Variants in THEM4 observed in about 807,000 individuals in gnomAD.
THEM4 encodes the protein acyl-coenzyme A thioesterase THEM4.
Under a neutral mutation model 25.0 loss-of-function variants are expected in THEM4, and 22 were observed. That is an observed-to-expected ratio of 0.88 (90% CI 0.63 to 1.26). The LOEUF (loss-of-function observed/expected upper bound fraction) is 1.26. Ranked by LOEUF, THEM4 falls within the 50% of genes most tolerant of loss-of-function variation. The probability of loss-of-function intolerance (pLI) is 0.00; values close to 1 mark genes in which losing one functional copy is unlikely to be tolerated. For synonymous variants in THEM4, 113 were observed against 105.6 expected, an observed-to-expected ratio of 1.07 and a Z score of -0.43; for missense variants, 286 against 300.3, an observed-to-expected ratio of 0.95 and a Z score of 0.35.
chr1:151,888,087 T>C (rs1338888140), intron 4 of THEM4, among the ~76,000 whole-genome samples, 186 bp downstream of exon 4: 1 of 152,214 alleles, frequency 6.6e-6, no homozygotes, highest in Non-Finnish European at 1.5e-5. Context: ...TGCTGGACTT[T>C]TGAGAGTTCA....
At chr1:151,907,109 C>T (rs903451759) in intron 1 of THEM4, among the ~76,000 whole-genome samples, 1 of 152,148 alleles carries the variant, frequency 6.6e-6, no homozygotes. Context: ...CAGCTTCACT[C>T]CTGAAGCCAA....
chr1:151,884,281 CT>C (rs1653914503), intron 4 of THEM4, among the ~76,000 whole-genome samples: 2 of 152,058 alleles, frequency 1.3e-5, no homozygotes, highest in Admixed American at 1.3e-4. Context: ...GTCATTTTCC[CT>C]TTTCAAGAAA....
chr1:151,899,593 T>C (rs1347144368), intron 1 of THEM4, among the ~76,000 whole-genome samples: 1 of 151,132 alleles, frequency 6.6e-6, no homozygotes, highest in Non-Finnish European at 1.5e-5. Context: ...ATTAACCTAA[T>C]CCAACAAAGA....
At chr1:151,879,971 C>T (rs1653775605) in intron 4 of THEM4, among the ~76,000 whole-genome samples, 1 of 151,886 alleles carries the variant, frequency 6.6e-6, no homozygotes, top group Non-Finnish European at 1.5e-5. Context: ...CCTCCATTTT[C>T]TAATTGTTTT....
At position 151,895,147 on chromosome 1, in the gene THEM4, G is replaced by A. The variant is rs1654195547; in HGVS notation, c.147C>T (p.Pro49=). Residue 49 remains proline, a synonymous_variant, in exon 2 of 6, where the codon CCC becomes CCT. Coordinates refer to ENST00000368814, the MANE Select transcript of THEM4 (RefSeq NM_053055.5). ...TTAGGTCCTTGTTCCAGCTGGGGTT[G>A]GGGACAGAACAGTCCTTAAGAATGA... ...EEVILKDCSV[P]NPSWNKDLRL... is the part of the protein sequence containing the mutation. The A allele has an allele frequency of 6.2e-7, 1 of 1,614,032 alleles. No homozygotes were observed. Among genetic ancestry groups the A allele is most frequent in the Non-Finnish European group, 8.5e-7 (1 of 1,179,992 alleles).
At chr1:151,901,483 A>G (rs911744322) in intron 1 of THEM4, among the ~76,000 whole-genome samples, 6 of 152,234 alleles carry the variant, frequency 3.9e-5, no homozygotes, top group African/African-American at 1.4e-4. Context: ...TTGAAATTAT[A>G]TCAAGCACTC....
In THEM4 at chr1:151,874,923, A is replaced by G; in HGVS notation, c.688T>C (p.Phe230Leu). The G allele has an allele frequency of 6.2e-7, 1 of 1,613,604 alleles. No individual in the cohort carries two copies. Among genetic ancestry groups the G allele is most frequent in the Non-Finnish European group, 8.5e-7 (1 of 1,179,492 alleles). ...KTLYSEATSLFIKLNPAKSLT is the reference protein window; with the variant it reads ...KTLYSEATSLLIKLNPAKSLT ...CTTTTAGCAGGATTCAGCTTTATAA[A>G]TAAGCCTAAACAAACAAAATAACAG... The change falls in exon 6 of 6, where the codon TTT becomes CTT. Residue 230 changes from phenylalanine to leucine, a missense_variant. Coordinates refer to ENST00000368814, the MANE Select transcript of THEM4 (RefSeq NM_053055.5).
At chr1:151,894,897 T>A in intron 2 of THEM4, 111 bp downstream of exon 2, 1 of 1,248,078 alleles carries the variant, frequency 8.0e-7, no homozygotes, top group South Asian at 1.2e-5. Flanking sequence ...TATAGAACCA[T>A]AATCCTGCAT....
At chr1:151,878,401 G>A (rs1385871768) in intron 4 of THEM4, among the ~76,000 whole-genome samples, 1 of 152,226 alleles carries the variant, frequency 6.6e-6, no homozygotes, top group Non-Finnish European at 1.5e-5. Context: ...GAGGCGCTAG[G>A]CTTACAAGAC....
chr1:151,891,865 AGGG>A (rs1654101899), intron 2 of THEM4, among the ~76,000 whole-genome samples: 1 of 152,200 alleles, frequency 6.6e-6, no homozygotes, highest in African/African-American at 2.4e-5. Flanking sequence ...CTCAACACTG[AGGG>A]AGAGGTTGAC....
chr1:151,909,509 A>C lies in THEM4; in HGVS notation c.-51T>G, dbSNP rs905943285. On this transcript the variant is annotated 5_prime_UTR_variant, in exon 1 of 6. Transcript: ENST00000368814. ...GCTCTAGCCCTGGACGGCGCACTCT[A>C]CCTCCGCCACAAGAGCGCGCGTGCG... The C allele has an allele frequency of 7.6e-7, 1 of 1,309,972 alleles. No individual in the cohort carries two copies. Among genetic ancestry groups the C allele is most frequent in the Non-Finnish European group, 9.8e-7 (1 of 1,024,460 alleles). The allele number at this position is 1,309,972 out of a possible 1,614,324, so 81.1% of individuals were successfully genotyped here.
At chr1:151,909,322 CCTG>C (rs1558196582) in intron 1 of THEM4, 35 bp downstream of exon 1, 2 of 1,491,282 alleles carry the variant, frequency 1.3e-6, no homozygotes, top group Non-Finnish European at 1.8e-6. Context: ...GTTTCTGAGT[CCTG>C]CTCCCGCCCC....
intron 4 of THEM4, among the ~76,000 whole-genome samples, chr1:151,884,318 T>G (rs1352050565): frequency 6.6e-5 from 10 of 152,214 alleles, no homozygotes; most frequent in Admixed American, 6.5e-4. Context: ...TTTAAAGCTT[T>G]CTTTTAAATT....
In THEM4 at chr1:151,874,385, G is replaced by C. The variant is rs1168912820; in HGVS notation, c.*503C>G. The C allele has an allele frequency of 6.7e-6, 1 of 150,046 alleles. No individual in the cohort carries two copies. Among genetic ancestry groups the C allele is most frequent in the African/African-American group, 2.5e-5 (1 of 40,530 alleles). 9.3% of individuals were successfully genotyped at this position (150,046 alleles called of 1,614,324 possible). Reference sequence around the variant, plus strand: ...AAGAGTTTTTTTTTTTTGTTTGTTTGTTTGTTTGAGATGGGTTCTTGTTCT... The same window carrying C: ...AAGAGTTTTTTTTTTTTGTTTGTTTCTTTGTTTGAGATGGGTTCTTGTTCT... On this transcript the variant is annotated 3_prime_UTR_variant, in exon 6 of 6. Coordinates refer to ENST00000368814, the MANE Select transcript of THEM4 (RefSeq NM_053055.5).
intron 1 of THEM4, among the ~76,000 whole-genome samples, chr1:151,900,397 G>A (rs1654326727): frequency 6.6e-6 from 1 of 152,144 alleles, no homozygotes; most frequent in Non-Finnish European, 1.5e-5. Flanking sequence ...CCGCAGAATG[G>A]ATAAGAACTC....
chr1:151,883,669 C>G (rs922767736), intron 4 of THEM4, among the ~76,000 whole-genome samples: 79 of 150,850 alleles, frequency 5.2e-4, no homozygotes, highest in Non-Finnish European at 1.0e-3. Flanking sequence ...GAGTCTCACT[C>G]TGTTGCCCAG....
At chr1:151,907,232 A>C (rs1474006568) in intron 1 of THEM4, among the ~76,000 whole-genome samples, 2 of 152,144 alleles carry the variant, frequency 1.3e-5, no homozygotes, top group Non-Finnish European at 2.9e-5. Flanking sequence ...AAGACCATGA[A>C]CCCACCAGAA....
intron 2 of THEM4, chr1:151,890,000 G>A (rs1572077831): frequency 1.4e-5 from 3 of 216,530 alleles, no homozygotes; most frequent in South Asian, 5.6e-5. Flanking sequence ...TCCGCCTCCC[G>A]GGTTCAAGCG....
At chr1:151,888,950 A>T (rs1654028940) in intron 3 of THEM4, among the ~76,000 whole-genome samples, 1 of 152,178 alleles carries the variant, frequency 6.6e-6, no homozygotes. Flanking sequence ...GCCACTGTTA[A>T]CACATTAATG....
Sources: gnomAD v4.1 joint callset for allele counts (sites outside exome capture counted in the v4.1 genomes callset) on GRCh38, gnomAD v4.1.1 for gene constraint, MANE v1.5 for transcripts, NCBI Gene and HGNC (gene_info 2026-07-23, HGNC 2026-07-21) for gene names.